Variants in NPAS3 observed in about 807,000 individuals in gnomAD.
NPAS3 encodes neuronal PAS domain protein 3, also known as neuronal PAS domain-containing protein 3.
Under a neutral mutation model 73.1 loss-of-function variants are expected in NPAS3, and 14 were observed. The ratio of observed to expected loss-of-function variants is 0.19; its 90% CI spans 0.13 to 0.30. The LOEUF (loss-of-function observed/expected upper bound fraction) is 0.30, where lower values mean the gene tolerates loss of function less well. Ranked by LOEUF, NPAS3 falls within the 10% of genes least tolerant of loss-of-function variation. NPAS3 has a pLI of 1.00. For synonymous variants in NPAS3, 620 were observed against 541.5 expected (o/e 1.14, Z -2.01); for missense variants, 1,096 against 1,250.0 (o/e 0.88, Z 1.86).
At chr14:33,455,014 C>T (rs183977553) in intron 4 of NPAS3, among the ~76,000 whole-genome samples, 2 of 152,116 alleles carry the variant, frequency 1.3e-5, no homozygotes, top group Admixed American at 6.5e-5. Flanking sequence ...AGGCAAGGGG[C>T]CACCAGGCAA....
At chr14:33,068,930 C>G (rs1351912756) in intron 2 of NPAS3, among the ~76,000 whole-genome samples, 1 of 152,084 alleles carries the variant, frequency 6.6e-6, no homozygotes, top group Non-Finnish European at 1.5e-5. Context: ...AGGGAGGCAA[C>G]AGCACACGGG....
chr14:33,239,141 T>C (rs757937078), intron 3 of NPAS3, among the ~76,000 whole-genome samples: 6 of 151,750 alleles, frequency 4.0e-5, no homozygotes, highest in Non-Finnish European at 7.4e-5. Flanking sequence ...CTCCTGGGGG[T>C]CTGAGGGGAG....
At chr14:33,648,524 T>C (rs1328915889) in intron 5 of NPAS3, among the ~76,000 whole-genome samples, 2 of 152,220 alleles carry the variant, frequency 1.3e-5, no homozygotes, top group Non-Finnish European at 2.9e-5. Flanking sequence ...CTAAAAATAA[T>C]CTTTGAAGGC....
intron 6 of NPAS3, among the ~76,000 whole-genome samples, chr14:33,692,980 G>C (rs1480811895): frequency 6.6e-6 from 1 of 151,794 alleles, no homozygotes; most frequent in African/African-American, 2.4e-5. Flanking sequence ...ATGATTCATT[G>C]TGTGGAAATG....
At chr14:33,165,275 G>T (rs1175413651) in intron 2 of NPAS3, among the ~76,000 whole-genome samples, 1 of 151,646 alleles carries the variant, frequency 6.6e-6, no homozygotes, top group Non-Finnish European at 1.5e-5. Flanking sequence ...GAAGAGAAGG[G>T]TTAAAGTCTC....
chr14:33,701,092 G>A (rs1039880230), intron 6 of NPAS3, among the ~76,000 whole-genome samples: 1 of 152,110 alleles, frequency 6.6e-6, no homozygotes, highest in Non-Finnish European at 1.5e-5. Context: ...CTGATTTGTG[G>A]GTTCCATTAC....
intron 4 of NPAS3, among the ~76,000 whole-genome samples, chr14:33,371,734 A>G (rs1246664594): frequency 1.3e-5 from 2 of 152,198 alleles, no homozygotes; most frequent in South Asian, 4.1e-4. Context: ...ATTGAAAAGC[A>G]TATTTTCTAA....
At chr14:33,148,710 G>T (rs958537898) in intron 2 of NPAS3, among the ~76,000 whole-genome samples, 18 of 151,940 alleles carry the variant, frequency 1.2e-4, no homozygotes, top group Non-Finnish European at 1.6e-4. Flanking sequence ...TTTTGGAGAC[G>T]AGGTCTCACT....
intron 3 of NPAS3, among the ~76,000 whole-genome samples, chr14:33,274,076 C>T (rs1022074401): frequency 1.3e-5 from 2 of 152,066 alleles, no homozygotes; most frequent in African/African-American, 4.8e-5. Context: ...GTGGCATGGC[C>T]AGAGAGGATT....
chr14:33,009,277 T>C (rs1441360994), intron 1 of NPAS3, among the ~76,000 whole-genome samples: 4 of 152,154 alleles, frequency 2.6e-5, no homozygotes, highest in African/African-American at 9.7e-5. Context: ...CATCATAGTT[T>C]TAGACACCAA....
intron 6 of NPAS3, among the ~76,000 whole-genome samples, chr14:33,691,909 C>T (rs748884531): frequency 7.2e-5 from 11 of 152,180 alleles, no homozygotes; most frequent in Admixed American, 1.3e-4. Context: ...AAGGCCCTTC[C>T]TCTGCCACAA....
At chr14:32,939,055 G>T (rs1208961734), upstream of NPAS3, among the ~76,000 whole-genome samples, 3 of 145,602 alleles carry the variant, frequency 2.1e-5, no homozygotes, top group African/African-American at 7.4e-5. Context: ...GGGGACGGCC[G>T]GCCGCCCGCG....
chr14:33,680,378 A>G, intron 6 of NPAS3, among the ~76,000 whole-genome samples: 1 of 152,216 alleles, frequency 6.6e-6, no homozygotes, highest in East Asian at 1.9e-4. Flanking sequence ...AGGAGTAAAG[A>G]CCACCACCAT....
At chr14:33,492,626 C>T (rs1408638351) in intron 4 of NPAS3, among the ~76,000 whole-genome samples, 1 of 152,148 alleles carries the variant, frequency 6.6e-6, no homozygotes, top group African/African-American at 2.4e-5. Context: ...ATAGGATACA[C>T]ATTGGACATG....
chr14:33,684,350 C>T (rs1220589483), intron 6 of NPAS3, among the ~76,000 whole-genome samples: 4 of 151,712 alleles, frequency 2.6e-5, no homozygotes, highest in Admixed American at 1.3e-4. Context: ...CTCGCTCTGT[C>T]GCCCAGGCTG....
In NPAS3 at chr14:33,720,019, GA is replaced by G. The variant is rs1447454810; in HGVS notation, c.734-15193del. Among the ~76,000 whole-genome samples the G allele has an allele frequency of 2.0e-5, 3 of 152,066 alleles. No homozygotes were observed. The East Asian group carries it at 5.8e-4, about 29-fold the overall frequency. The stretch of plus-strand genomic sequence containing the variant: ...GCTAGTGTAGAAATTACATTAAGAG[GA>G]ACAAATCTCATTGCCAAATATAAGT... On this transcript the variant is annotated intron_variant, in intron 6 of 11. Coordinates refer to ENST00000356141, the Ensembl canonical transcript of NPAS3.
At chr14:33,304,656 G>A (rs1238627017) in intron 3 of NPAS3, among the ~76,000 whole-genome samples, 1 of 151,748 alleles carries the variant, frequency 6.6e-6, no homozygotes, top group Non-Finnish European at 1.5e-5. Flanking sequence ...AAAAATATTG[G>A]TACTATTTAT....
chr14:33,549,538 A>T (rs553234133), intron 4 of NPAS3, among the ~76,000 whole-genome samples: 16 of 152,190 alleles, frequency 1.1e-4, no homozygotes, highest in Non-Finnish European at 1.8e-4. Context: ...AAAGAAAAAA[A>T]CAATCACAGT....
At chr14:33,509,300 G>A (rs12887949) in intron 4 of NPAS3, among the ~76,000 whole-genome samples, 34,754 of 151,818 alleles carry the variant, frequency 0.23, 4,488 homozygotes, top group African/African-American at 0.34. Context: ...GGCAAGAACA[G>A]AAGAGAATCT....
Sources: allele counts gnomAD v4.1 joint callset (sites outside exome capture counted in the v4.1 genomes callset), GRCh38; gene constraint gnomAD v4.1.1; transcripts MANE v1.5; gene names NCBI Gene and HGNC (gene_info 2026-07-23, HGNC 2026-07-21).